Variants in SPATA18 observed in about 807,000 individuals in gnomAD.
SPATA18 encodes the protein spermatogenesis associated 18.
In SPATA18, 54 loss-of-function variants were observed where a neutral mutation model predicts 68.1. The ratio of observed to expected loss-of-function variants is 0.79; its 90% CI spans 0.64 to 0.99. SPATA18 has a LOEUF of 0.99. SPATA18 is among the 50% of genes least tolerant of loss of function. SPATA18 has a pLI of 0.00. For missense variants in SPATA18, 724 were observed against 681.1 expected (o/e 1.06, Z -0.70); for synonymous variants, 242 against 244.8 (o/e 0.99, Z 0.11).
At position 52,071,902 on chromosome 4, in the gene SPATA18, C is replaced by G; in HGVS notation, c.519-15C>G. On this transcript the variant is annotated splice_polypyrimidine_tract_variant and intron_variant, in intron 5 of 12. Coordinates refer to ENST00000295213, the MANE Select transcript of SPATA18 (RefSeq NM_145263.4). ...CCTCTCTTCCCTTCCTCTGCCCTCTCTCTTTGCTGTTCAGGCTTAAATCTC... is the reference window on the plus strand; with the variant it reads ...CCTCTCTTCCCTTCCTCTGCCCTCTGTCTTTGCTGTTCAGGCTTAAATCTC... 1 of 1,612,438 alleles carries G rather than the reference C, an allele frequency of 6.2e-7. No homozygotes were observed. Among genetic ancestry groups the G allele is most frequent in the African/African-American group, 1.3e-5 (1 of 74,956 alleles).
chr4:52,072,904 G>T (rs183494776), intron 6 of SPATA18, among the ~76,000 whole-genome samples: 90 of 152,306 alleles, frequency 5.9e-4, no homozygotes, highest in African/African-American at 2.1e-3. Context: ...TGTAGGTGAA[G>T]TGTTCTTGTG....
Position 52,076,918 on chromosome 4 carries a change from G to T in SPATA18, c.898G>T (p.Ala300Ser), listed in dbSNP as rs775096509. The T allele has an allele frequency of 5.3e-5, 85 of 1,614,062 alleles. No individual in the cohort carries two copies. The highest frequency in any genetic ancestry group is 6.9e-5 in the Non-Finnish European group (81 of 1,180,030). The change falls in exon 7 of 13, where the codon GCT (alanine) becomes TCT (serine). Residue 300 changes from alanine (A) to serine (S), a missense_variant. By Grantham distance (99) the Ala-to-Ser change is moderately conservative. Transcript: ENST00000295213. Reference sequence around the variant, plus strand: ...CAAGCTGTCCAATGTGGCGCGCAAGGCTGCCCTCTTGTCCCGGTTCAGCGA... The same window carrying T: ...CAAGCTGTCCAATGTGGCGCGCAAGTCTGCCCTCTTGTCCCGGTTCAGCGA... ...RSKLSNVARK[A>S]ALLSRFSDSY...
chr4:52,082,665 ATTC>A (rs1741050219), intron 10 of SPATA18, 155 bp downstream of exon 10: 1 of 1,510,208 alleles, frequency 6.6e-7, no homozygotes. Flanking sequence ...AGAAGAACTG[ATTC>A]TTTTCTTTGA....
intron 3 of SPATA18, 99 bp downstream of exon 3, chr4:52,060,996 A>T: frequency 1.1e-6 from 1 of 896,588 alleles, no homozygotes; most frequent in Non-Finnish European, 1.7e-6. Context: ...TGGTAGACTG[A>T]TAGAGTGTCA....
chr4:52,062,399 G>T, intron 4 of SPATA18, 67 bp downstream of exon 4: 2 of 1,134,876 alleles, frequency 1.8e-6, no homozygotes, highest in Admixed American at 1.9e-5. Flanking sequence ...TTTTAAATTC[G>T]AAAGGAGAAT....
chr4:52,052,443 T>G (rs193241804), intron 1 of SPATA18, among the ~76,000 whole-genome samples: 252 of 152,246 alleles, frequency 1.7e-3, no homozygotes, highest in African/African-American at 6.0e-3. Context: ...TTTTCAAATC[T>G]CATTAATCCC....
chr4:52,087,039 A>G (rs937128570), intron 11 of SPATA18, among the ~76,000 whole-genome samples: 3 of 152,006 alleles, frequency 2.0e-5, no homozygotes, highest in Non-Finnish European at 4.4e-5. Context: ...TTTTTTTCAT[A>G]TGTCTGTTGG....
chr4:52,092,938 T>C (rs1245579666), intron 11 of SPATA18, among the ~76,000 whole-genome samples: 1 of 151,990 alleles, frequency 6.6e-6, no homozygotes, highest in African/African-American at 2.4e-5. Context: ...TGAAACTAAA[T>C]GATGAGAACA....
chr4:52,079,810 C>G lies in SPATA18; in HGVS notation c.1246C>G (p.Leu416Val). The part of the protein sequence containing the change: ...SFPPVVDFCL[L>V]SDFIQEICCI... ...CCCTCCTGTCGTTGACTTTTGCCTT[C>G]TCAGTGACTTCATCCAGGAGATATG... Residue 416 changes from leucine (L) to valine (V), a missense_variant, in exon 9 of 13, where the codon CTC becomes GTC. Leu to Val is a conservative substitution (Grantham distance 32). Coordinates refer to ENST00000295213, the MANE Select transcript of SPATA18 (RefSeq NM_145263.4). The G allele has an allele frequency of 6.2e-7, 1 of 1,614,034 alleles. No individual in the cohort carries two copies. Among genetic ancestry groups the G allele is most frequent in the African/African-American group, 1.3e-5 (1 of 75,040 alleles).
At position 52,060,828 on chromosome 4, in the gene SPATA18, T is replaced by A; in HGVS notation, c.240T>A (p.Pro80=). 1 of 1,614,068 alleles carries A rather than the reference T, an allele frequency of 6.2e-7. No individual in the cohort carries two copies. The highest frequency in any genetic ancestry group is 8.5e-7 in the Non-Finnish European group (1 of 1,179,972). Residue 80 remains proline, a synonymous_variant, in exon 3 of 13, where the codon CCT becomes CCA. Transcript: ENST00000295213. Reference sequence around the variant, plus strand: ...AAACAATCAAGTCACGCCTTTTGCCTTGGCTGGAGGCTTCCTTTACTGCTG... The same window carrying A: ...AAACAATCAAGTCACGCCTTTTGCCATGGCTGGAGGCTTCCTTTACTGCTG... The part of the protein sequence containing the change: ...GVETIKSRLL[P]WLEASFTAAS...
intron 4 of SPATA18, among the ~76,000 whole-genome samples, chr4:52,063,257 T>C (rs562812611): frequency 1.3e-5 from 2 of 152,358 alleles, no homozygotes; most frequent in Admixed American, 6.5e-5. Flanking sequence ...AAATCTCTAT[T>C]GATTTAGTTT....
chr4:52,093,696 C>T (rs1742173430), intron 11 of SPATA18, among the ~76,000 whole-genome samples: 2 of 152,160 alleles, frequency 1.3e-5, no homozygotes, highest in South Asian at 4.1e-4. Flanking sequence ...CAAATTGTAA[C>T]TCCGGACTCC....
chr4:52,094,472 C>A, intron 11 of SPATA18, 55 bp from the exon 12 acceptor site: 1 of 1,546,514 alleles, frequency 6.5e-7, no homozygotes, highest in South Asian at 1.1e-5. Flanking sequence ...CAAAAGAATT[C>A]ATCCTTTGAG....
chr4:52,074,720 G>A (rs1177288772), intron 6 of SPATA18, among the ~76,000 whole-genome samples: 1 of 152,176 alleles, frequency 6.6e-6, no homozygotes, highest in Non-Finnish European at 1.5e-5. Flanking sequence ...TTATAACAGG[G>A]TGTACATCCT....
At chr4:52,065,595 CT>C (rs1739244049) in intron 4 of SPATA18, among the ~76,000 whole-genome samples, 1 of 152,136 alleles carries the variant, frequency 6.6e-6, no homozygotes. Context: ...AGTTCTTATT[CT>C]GTTTTTAAAT....
chr4:52,067,144 G>T (rs1739381989), intron 4 of SPATA18, among the ~76,000 whole-genome samples: 1 of 152,174 alleles, frequency 6.6e-6, no homozygotes, highest in African/African-American at 2.4e-5. Context: ...CTATTTCTTT[G>T]CAGCCTCGCC....
Position 52,062,239 on chromosome 4 carries a change from G to A in SPATA18, c.329G>A (p.Arg110Lys), listed in dbSNP as rs761169436. The change falls in exon 4 of 13, where the codon AGA becomes AAA. Residue 110 changes from arginine to lysine, a missense_variant. Transcript: ENST00000295213. The stretch of plus-strand genomic sequence containing the variant: ...TTCCAGGACACGTTTGATAGGGAGA[G>A]ACATAAAGATCCCAGTCCTCGGGAT... ...PSLQDTFDRE[R>K]HKDPSPRDRD... 18 of 1,586,652 alleles carry A rather than the reference G, an allele frequency of 1.1e-5. No individual in the cohort carries two copies. Among genetic ancestry groups the A allele is most frequent in the Non-Finnish European group, 1.5e-5 (17 of 1,164,094 alleles).
At chr4:52,093,888 A>G (rs1742193080) in intron 11 of SPATA18, among the ~76,000 whole-genome samples, 1 of 152,216 alleles carries the variant, frequency 6.6e-6, no homozygotes, top group Non-Finnish European at 1.5e-5. Flanking sequence ...TTGCCACAAC[A>G]AAACTGGGTA....
At chr4:52,084,311 A>C (rs1408117175) in intron 10 of SPATA18, among the ~76,000 whole-genome samples, 1 of 152,172 alleles carries the variant, frequency 6.6e-6, no homozygotes, top group Non-Finnish European at 1.5e-5. Flanking sequence ...GTCCAAGCTT[A>C]AACCCTAAAA....
Sources: gnomAD v4.1 joint callset for allele counts (sites outside exome capture counted in the v4.1 genomes callset) on GRCh38, gnomAD v4.1.1 for gene constraint, MANE v1.5 for transcripts, NCBI Gene and HGNC (gene_info 2026-07-23, HGNC 2026-07-21) for gene names.